Variants in ITGB3 observed in about 807,000 individuals in gnomAD.
ITGB3 encodes integrin beta-3.
In ITGB3, 48 loss-of-function variants were observed where a neutral mutation model predicts 85.8. The observed-to-expected ratio is 0.56, with a 90% CI of 0.44 to 0.71. ITGB3 has a LOEUF of 0.71. Ranked by LOEUF, ITGB3 falls within the 30% of genes least tolerant of loss-of-function variation. The pLI is 0.00. For synonymous variants in ITGB3, 363 were observed against 395.6 expected, an observed-to-expected ratio of 0.92 and a Z score of 0.98; for missense variants, 861 against 1,019.1, an observed-to-expected ratio of 0.84 and a Z score of 2.11.
At chr17:47,309,151 G>T (rs940624001) in intron 14 of ITGB3, among the ~76,000 whole-genome samples, 1 of 151,380 alleles carries the variant, frequency 6.6e-6, no homozygotes, top group African/African-American at 2.4e-5. Context: ...GGGCTCAAGT[G>T]ATCCTCCCAC....
At position 47,292,214 on chromosome 17, in the gene ITGB3, G is replaced by A; in HGVS notation, c.1336G>A (p.Gly446Ser). 1 of 1,614,192 alleles carries A rather than the reference G, an allele frequency of 6.2e-7. No individual in the cohort carries two copies. The highest frequency in any genetic ancestry group is 2.2e-5 in the East Asian group (1 of 44,888). ...GAAGTCCTTTACCATAAAGCCCGTG[G>A]GCTTCAAGGACAGCCTGATCGTCCA... Reference protein sequence around the residue: ...KEKSFTIKPVGFKDSLIVQVT... With the variant: ...KEKSFTIKPVSFKDSLIVQVT... The change falls in exon 10 of 15, where the codon GGC becomes AGC. Residue 446 changes from glycine to serine, a missense_variant. Coordinates refer to ENST00000559488, the MANE Select transcript of ITGB3 (RefSeq NM_000212.3).
intron 10 of ITGB3, among the ~76,000 whole-genome samples, chr17:47,294,057 C>T (rs538995097): frequency 2.6e-5 from 4 of 152,224 alleles, no homozygotes; most frequent in East Asian, 1.9e-4. Context: ...TTATTATCTA[C>T]GACATTGTTT....
intron 1 of ITGB3, among the ~76,000 whole-genome samples, chr17:47,270,069 A>G (rs1392906480): frequency 1.3e-5 from 2 of 152,220 alleles, no homozygotes; most frequent in African/African-American, 4.8e-5. Context: ...GTGAGAACTT[A>G]CTATTAGGAG....
At chr17:47,281,104 T>C (rs887895390) in intron 2 of ITGB3, among the ~76,000 whole-genome samples, 1 of 152,236 alleles carries the variant, frequency 6.6e-6, no homozygotes, top group Non-Finnish European at 1.5e-5. Context: ...TCCAGCATTA[T>C]GGAACTGTCA....
rs1052930452 is a variant in ITGB3, at chr17:47,311,483, T to G, written c.*1279T>G. On this transcript the variant is annotated 3_prime_UTR_variant, in exon 15 of 15. Coordinates refer to ENST00000559488, the MANE Select transcript of ITGB3 (RefSeq NM_000212.3). ...TTTTCTTAACTTAAAAGAACATGTA[T>G]ATAAACATGCTTGCATTATATTTGT... The G allele has an allele frequency of 6.6e-6, 1 of 152,534 alleles. No homozygotes were observed. The highest frequency in any genetic ancestry group is 1.5e-5 in the Non-Finnish European group (1 of 68,048). The allele number at this position is 152,534 out of a possible 1,614,324, so 9.4% of individuals were successfully genotyped here.
At chr17:47,274,176 G>C (rs1376986081) in intron 1 of ITGB3, among the ~76,000 whole-genome samples, 1 of 152,220 alleles carries the variant, frequency 6.6e-6, no homozygotes, top group Non-Finnish European at 1.5e-5. Flanking sequence ...GCCTTGCCCT[G>C]TCACTTGTTA....
chr17:47,279,852 G>A (rs1483176470), intron 2 of ITGB3: 1 of 152,284 alleles, frequency 6.6e-6, no homozygotes, highest in Non-Finnish European at 1.5e-5. Flanking sequence ...GGGCTTTGTG[G>A]GCAGCTAGAA....
chr17:47,283,266 A>G, intron 2 of ITGB3, 88 bp from the exon 3 acceptor site: 1 of 1,235,112 alleles, frequency 8.1e-7, no homozygotes, highest in Non-Finnish European at 1.2e-6. Context: ...GTAAACTCTT[A>G]GCTATTGGGA....
rs186336620 is a variant in ITGB3 at position 47,291,078 on chromosome 17, T to A, written c.1250T>A (p.Ile417Asn). Residue 417 changes from isoleucine (I) to asparagine (N), a missense_variant, in exon 9 of 15, where the codon ATT (isoleucine) becomes AAT (asparagine). By Grantham distance (149) the Ile-to-Asn change is moderately radical. Coordinates refer to ENST00000559488, the MANE Select transcript of ITGB3 (RefSeq NM_000212.3). ...PGLKSCMGLK[I>N]GDTVSFSIEA... is the part of the protein sequence containing the mutation. ...CTCAAGTCTTGTATGGGACTCAAGA[T>A]TGGAGACACGGTGAGGTGGGCTGGG... 2.5e-6 allele frequency: 4 copies of A among 1,614,110 alleles called. No homozygotes were observed. The East Asian group carries it at 8.9e-5, about 36-fold the overall frequency.
chr17:47,287,583 G>A (rs1313394319), intron 6 of ITGB3, among the ~76,000 whole-genome samples: 1 of 152,112 alleles, frequency 6.6e-6, no homozygotes. Context: ...ATACTAACTT[G>A]TGGTTATTGG....
In ITGB3 at chr17:47,287,911, CTTTTTTTTTT is replaced by C. The variant is rs60463106; in HGVS notation, c.939+703_939+712del. On this transcript the variant is annotated intron_variant, in intron 6 of 14. Coordinates refer to ENST00000559488, the MANE Select transcript of ITGB3 (RefSeq NM_000212.3). Reference sequence around the variant, plus strand: ...AGTGACAGAGCAAGAACCACCCCTGCTTTTTTTTTTTTTTTTTTTTTTTTTTTTTTTTGAT... The same window carrying C: ...AGTGACAGAGCAAGAACCACCCCTGCTTTTTTTTTTTTTTTTTTTTTTGAT... Among the ~76,000 whole-genome samples the C allele has an allele frequency of 9.0e-3, 499 of 55,382 alleles. 3 individuals are homozygous for C. The highest frequency in any genetic ancestry group is 0.013 in the Non-Finnish European group (425 of 31,684). 36.3% of individuals were successfully genotyped at this position (55,382 alleles called of 152,430 possible). A position where few individuals can be genotyped will look rare whatever the true frequency, so the allele number is the denominator to read the frequency against.
Position 47,312,025 on chromosome 17 carries a change from T to C in ITGB3, c.*1821T>C, listed in dbSNP as rs890627391. Among the ~76,000 whole-genome samples the C allele has an allele frequency of 1.3e-5, 2 of 152,246 alleles. No individual in the cohort carries two copies. The highest frequency in any genetic ancestry group is 2.9e-5 in the Non-Finnish European group (2 of 68,040). On this transcript the variant is annotated 3_prime_UTR_variant, in exon 15 of 15. Coordinates refer to ENST00000559488, the MANE Select transcript of ITGB3 (RefSeq NM_000212.3). ...CGGTTAAGATTCTCTGGGATATTGA[T>C]ACTGTTTGTGTTTTTAGTTGGGAGA...
chr17:47,309,185 C>A (rs930331867), intron 14 of ITGB3, among the ~76,000 whole-genome samples: 6 of 151,428 alleles, frequency 4.0e-5, no homozygotes, highest in African/African-American at 1.5e-4. Flanking sequence ...GTAGCCAGGA[C>A]TACAGGCACA....
At chr17:47,254,044 G>A (rs962798332) in intron 1 of ITGB3, 104 bp downstream of exon 1, 4 of 721,280 alleles carry the variant, frequency 5.5e-6, no homozygotes, top group African/African-American at 3.7e-5. Flanking sequence ...GGTCCCGCGC[G>A]TCTGCGCTGG....
intron 7 of ITGB3, among the ~76,000 whole-genome samples, chr17:47,289,984 G>C (rs1185881398): frequency 6.6e-6 from 1 of 152,160 alleles, no homozygotes; most frequent in East Asian, 1.9e-4. Flanking sequence ...GTGGAGGGGA[G>C]GTGGTGAGGG....
At chr17:47,265,011 C>T (rs977830091) in intron 1 of ITGB3, among the ~76,000 whole-genome samples, 26 of 152,152 alleles carry the variant, frequency 1.7e-4, no homozygotes, top group African/African-American at 5.8e-4. Flanking sequence ...CAGTGTGTCT[C>T]CAGTGCCTAG....
At chr17:47,254,218 GTGC>G in intron 1 of ITGB3, among the ~76,000 whole-genome samples, 1 of 152,176 alleles carries the variant, frequency 6.6e-6, no homozygotes, top group African/African-American at 2.4e-5. Flanking sequence ...GGCGCGCACG[GTGC>G]GGTGGGCGCA....
At chr17:47,268,547 A>G (rs952732663) in intron 1 of ITGB3, among the ~76,000 whole-genome samples, 12 of 152,238 alleles carry the variant, frequency 7.9e-5, no homozygotes, top group Non-Finnish European at 2.9e-5. Flanking sequence ...CCAGCAGGAC[A>G]GTCAAATCTT....
chr17:47,268,524 G>A (rs1210667712), intron 1 of ITGB3, among the ~76,000 whole-genome samples: 2 of 152,176 alleles, frequency 1.3e-5, no homozygotes, highest in African/African-American at 2.4e-5. Context: ...CTGGCCCCAC[G>A]CAAGTCTGAA....
Sources: gnomAD v4.1 joint callset for allele counts (sites outside exome capture counted in the v4.1 genomes callset) on GRCh38, gnomAD v4.1.1 for gene constraint, MANE v1.5 for transcripts, NCBI Gene and HGNC (gene_info 2026-07-23, HGNC 2026-07-21) for gene names.